HECW2: variants seen among roughly 807,000 people sequenced by gnomAD.
HECW2 encodes the protein HECT, C2 and WW domain containing E3 ubiquitin protein ligase 2.
Under a neutral mutation model 175.2 loss-of-function variants are expected in HECW2, and 61 were observed. The observed-to-expected ratio is 0.35, with a 90% confidence interval of 0.28 to 0.43. The LOEUF (loss-of-function observed/expected upper bound fraction) is 0.43. Ranked by LOEUF, HECW2 falls within the 20% of genes least tolerant of loss-of-function variation. HECW2 has a pLI of 1.00. For synonymous variants in HECW2, 671 were observed against 731.0 expected (o/e 0.92, Z 1.32); for missense variants, 1,524 against 2,000.5 (o/e 0.76, Z 4.54).
intron 2 of HECW2, among the ~76,000 whole-genome samples, chr2:196,353,310 G>GC (rs1693239878): frequency 6.6e-6 from 1 of 152,126 alleles, no homozygotes; most frequent in African/African-American, 2.4e-5. Context: ...ATTTTGAAAC[G>GC]CAAGTCTTCC....
intron 17 of HECW2, chr2:196,263,657 G>A (rs1689397551): frequency 6.6e-6 from 1 of 152,210 alleles, no homozygotes; most frequent in Non-Finnish European, 1.5e-5. Context: ...AGATACAGCC[G>A]AGCAGTTAAA....
chr2:196,287,181 T>TAA (rs1460495074), intron 14 of HECW2, among the ~76,000 whole-genome samples: 1 of 152,206 alleles, frequency 6.6e-6, no homozygotes, highest in Non-Finnish European at 1.5e-5. Flanking sequence ...TTCTGATACT[T>TAA]AAACTCCCAA....
chr2:196,490,303 T>A (rs1687141898), intron 1 of HECW2, among the ~76,000 whole-genome samples: 1 of 152,224 alleles, frequency 6.6e-6, no homozygotes, highest in South Asian at 2.1e-4. Flanking sequence ...TCCCTCCATT[T>A]TATTTTCTCT....
intron 12 of HECW2, 48 bp from the exon 13 acceptor site, chr2:196,306,660 G>A (rs1691278137): frequency 1.3e-6 from 2 of 1,549,114 alleles, no homozygotes; most frequent in African/African-American, 2.8e-5. Context: ...TTTCTATGAT[G>A]TGAAAACTAT....
At chr2:196,405,370 G>A (rs554733148) in intron 2 of HECW2, among the ~76,000 whole-genome samples, 11 of 152,150 alleles carry the variant, frequency 7.2e-5, no homozygotes, top group South Asian at 6.2e-4. Flanking sequence ...CTCTACATAC[G>A]TGTTTCCTCA....
At chr2:196,592,824 C>T (rs1403325460) in intron 1 of HECW2, 3 of 150,786 alleles carry the variant, frequency 2.0e-5, no homozygotes, top group African/African-American at 7.3e-5. Context: ...GGCCGCGGGG[C>T]GGGAGGGCGC....
At chr2:196,356,141 C>T (rs1693358032) in intron 2 of HECW2, among the ~76,000 whole-genome samples, 1 of 152,186 alleles carries the variant, frequency 6.6e-6, no homozygotes, top group African/African-American at 2.4e-5. Context: ...GTAACAATAA[C>T]AATAACACTC....
rs936862990 is a variant in HECW2 at position 196,513,923 on chromosome 2, G to A, written c.-36+79585C>T. Among the ~76,000 whole-genome samples the A allele has an allele frequency of 5.3e-5, 8 of 152,358 alleles. No individual in the cohort carries two copies. In the South Asian group the frequency reaches 8.3e-4, roughly 16 times the overall value. On this transcript the variant is annotated intron_variant, in intron 1 of 28. Coordinates refer to ENST00000644978, the MANE Select transcript of HECW2 (RefSeq NM_001348768.2). ...TGATGGTAGCAGCAGCCCATCTGGT[G>A]CAGCCACTGCCATGACGCTGGTGGC...
intron 6 of HECW2, 58 bp from the exon 7 acceptor site, chr2:196,322,678 T>C: frequency 2.1e-6 from 3 of 1,446,156 alleles, no homozygotes; most frequent in East Asian, 4.6e-5. Context: ...TGATACTATA[T>C]CATTTTATTT....
chr2:196,448,166 A>T (rs1696241359), intron 1 of HECW2, among the ~76,000 whole-genome samples: 1 of 152,208 alleles, frequency 6.6e-6, no homozygotes. Flanking sequence ...AAATAAACTG[A>T]TTCCCATCAT....
intron 13 of HECW2, among the ~76,000 whole-genome samples, chr2:196,306,145 G>A (rs1691251369): frequency 6.6e-6 from 1 of 151,882 alleles, no homozygotes; most frequent in Admixed American, 6.6e-5. Flanking sequence ...ATATGAAGAT[G>A]GAGGGAGAAG....
chr2:196,282,722 A>T (rs950155117), intron 14 of HECW2, among the ~76,000 whole-genome samples: 1 of 152,182 alleles, frequency 6.6e-6, no homozygotes, highest in Non-Finnish European at 1.5e-5. Flanking sequence ...TTCAGAGAGA[A>T]TAGACTGTAA....
At chr2:196,404,819 C>CTTTTTTTTTTTT (rs71012909) in intron 2 of HECW2, among the ~76,000 whole-genome samples, 3 of 80,386 alleles carry the variant, frequency 3.7e-5, no homozygotes, top group East Asian at 3.5e-4. Flanking sequence ...TTTTTCTTCT[C>CTTTTTTTTTTTT]TTTTTTTTTT....
At chr2:196,282,106 C>T (rs1372469993) in intron 14 of HECW2, among the ~76,000 whole-genome samples, 3 of 152,126 alleles carry the variant, frequency 2.0e-5, no homozygotes. Flanking sequence ...AAAGCCCATA[C>T]ACAAGGCTCA....
intron 4 of HECW2, among the ~76,000 whole-genome samples, chr2:196,332,093 T>TC (rs1048860137): frequency 7.3e-4 from 111 of 151,902 alleles, no homozygotes; most frequent in Non-Finnish European, 1.4e-3. Context: ...GACAGAGAGG[T>TC]CCCCCTTTTT....
intron 1 of HECW2, among the ~76,000 whole-genome samples, chr2:196,443,436 C>T (rs1696095555): frequency 6.6e-6 from 1 of 152,044 alleles, no homozygotes; most frequent in Non-Finnish European, 1.5e-5. Context: ...GTGATGAGCC[C>T]CCACTGTAAC....
rs146386679 is a variant in HECW2 at position 196,574,558 on chromosome 2, G to A, written c.-36+18950C>T. On this transcript the variant is annotated intron_variant, in intron 1 of 28. Transcript: ENST00000644978. Reference sequence around the variant, plus strand: ...GATACAGACAAATAAAAAGACATCCGTGTTCATGGATTGGAAGAATTAATA... The same window carrying A: ...GATACAGACAAATAAAAAGACATCCATGTTCATGGATTGGAAGAATTAATA... Among the ~76,000 whole-genome samples the A allele has an allele frequency of 2.8e-4, 42 of 152,216 alleles. No homozygotes were observed. The East Asian group carries it at 5.4e-3, about 20-fold the overall frequency.
rs1406616021 is a variant in HECW2, at chr2:196,201,329, T to C, written c.4667A>G (p.Tyr1556Cys). The change falls in exon 29 of 29, where the codon TAT becomes TGT. Residue 1556 changes from tyrosine (Y) to cysteine (C), a missense_variant. Physicochemically the swap from Tyr to Cys is radical, Grantham distance 194. This residue lies in a region of HECW2 where 134 missense variants were observed against 287.8 expected (regional missense o/e 0.47). Coordinates refer to ENST00000644978, the MANE Select transcript of HECW2 (RefSeq NM_001348768.2). ...LPPYPSFSML[Y>C]EKLLTAVEET... is the part of the protein sequence containing the mutation. ...TTCAACTGCTGTCAACAGTTTTTCATAAAGCATGGAAAAGGATGGGTAGGG... is the reference window on the plus strand; with the variant it reads ...TTCAACTGCTGTCAACAGTTTTTCACAAAGCATGGAAAAGGATGGGTAGGG... 2 of 1,613,598 alleles carry C rather than the reference T, an allele frequency of 1.2e-6. No homozygotes were observed. The highest frequency in any genetic ancestry group is 2.2e-5 in the South Asian group (2 of 91,080).
chr2:196,401,340 G>A (rs1182222908), intron 2 of HECW2, among the ~76,000 whole-genome samples: 1 of 152,118 alleles, frequency 6.6e-6, no homozygotes, highest in Non-Finnish European at 1.5e-5. Flanking sequence ...CAAAGTAGAA[G>A]CAACTATTTA....
Sources: gnomAD v4.1 joint callset for allele counts (sites outside exome capture counted in the v4.1 genomes callset) on GRCh38, gnomAD v4.1.1 for gene constraint, gnomAD v4.1.1 regional missense constraint, MANE v1.5 for transcripts, NCBI Gene and HGNC (gene_info 2026-07-23, HGNC 2026-07-21) for gene names.